Variants in IFT80 observed in about 807,000 individuals in gnomAD.
The protein encoded by IFT80 is intraflagellar transport 80, also known as intraflagellar transport protein 80 homolog.
IFT80 carries 79 observed loss-of-function variants against 107.9 expected under a neutral mutation model. The ratio of observed to expected loss-of-function variants is 0.73; its 90% CI spans 0.61 to 0.88. The LOEUF is 0.88. IFT80 is among the 40% of genes least tolerant of loss of function. The pLI is 0.00. For synonymous variants in IFT80, 299 were observed against 300.9 expected, an observed-to-expected ratio of 0.99 and a Z score of 0.07; for missense variants, 797 against 914.2, an observed-to-expected ratio of 0.87 and a Z score of 1.65.
intron 8 of IFT80, among the ~76,000 whole-genome samples, chr3:160,353,300 C>A (rs992356038): frequency 1.3e-5 from 2 of 152,102 alleles, no homozygotes; most frequent in African/African-American, 4.8e-5. Flanking sequence ...TTATATTAGA[C>A]GCTCAAACAG....
At chr3:160,376,302 T>C (rs1167248946) in intron 4 of IFT80, among the ~76,000 whole-genome samples, 2 of 152,206 alleles carry the variant, frequency 1.3e-5, no homozygotes, top group Admixed American at 1.3e-4. Context: ...GGTAATAGAC[T>C]ACTCTTTTGA....
intron 8 of IFT80, among the ~76,000 whole-genome samples, chr3:160,323,485 T>G (rs1277191610): frequency 1.3e-5 from 2 of 152,180 alleles, no homozygotes; most frequent in Non-Finnish European, 2.9e-5. Context: ...CCTCCAGCTT[T>G]GTTCTTTTGG....
intron 8 of IFT80, among the ~76,000 whole-genome samples, chr3:160,340,097 T>C (rs894220027): frequency 1.3e-5 from 2 of 152,174 alleles, no homozygotes; most frequent in African/African-American, 4.8e-5. Flanking sequence ...GCCAAGTTAC[T>C]TAGAAAAGGA....
At chr3:160,393,403 T>C (rs1474474642) in intron 1 of IFT80, among the ~76,000 whole-genome samples, 1 of 152,214 alleles carries the variant, frequency 6.6e-6, no homozygotes, top group East Asian at 1.9e-4. Flanking sequence ...ATTATGCTAA[T>C]TGAAAAAAGC....
At chr3:160,302,537 T>C (rs920624651) in intron 11 of IFT80, among the ~76,000 whole-genome samples, 1 of 152,096 alleles carries the variant, frequency 6.6e-6, no homozygotes, top group Non-Finnish European at 1.5e-5. Flanking sequence ...CAAACATCTC[T>C]ATATACATAA....
intron 1 of IFT80, among the ~76,000 whole-genome samples, chr3:160,388,682 G>T (rs1713129872): frequency 2.0e-5 from 3 of 151,234 alleles, no homozygotes; most frequent in Non-Finnish European, 4.4e-5. Flanking sequence ...TAGCTAAAAA[G>T]AACTAATGTT....
chr3:160,286,205 A>G (rs1163239752), intron 12 of IFT80, among the ~76,000 whole-genome samples: 1 of 152,166 alleles, frequency 6.6e-6, no homozygotes, highest in Non-Finnish European at 1.5e-5. Flanking sequence ...GTAGAGGCCA[A>G]AGGAAAACTT....
chr3:160,356,857 G>T (rs1721129757), intron 7 of IFT80, among the ~76,000 whole-genome samples: 1 of 151,924 alleles, frequency 6.6e-6, no homozygotes, highest in African/African-American at 2.4e-5. Flanking sequence ...CTCCCTGTAA[G>T]GGCTCTACCT....
intron 6 of IFT80, 98 bp downstream of exon 6, chr3:160,365,944 TA>T: frequency 3.5e-6 from 3 of 863,938 alleles, no homozygotes; most frequent in Non-Finnish European, 6.0e-6. Flanking sequence ...GACCAGACTG[TA>T]AAAAGACCAC....
intron 19 of IFT80, among the ~76,000 whole-genome samples, chr3:160,266,094 T>G (rs1393902505): frequency 6.6e-6 from 1 of 151,728 alleles, no homozygotes; most frequent in Admixed American, 6.6e-5. Context: ...ATGACATTTA[T>G]GAAGAAAAGT....
intron 19 of IFT80, among the ~76,000 whole-genome samples, chr3:160,263,301 GATT>G (rs1293756430): frequency 6.6e-6 from 1 of 152,098 alleles, no homozygotes; most frequent in East Asian, 1.9e-4. Flanking sequence ...TTCCTAATGG[GATT>G]ATTATAGTAA....
intron 6 of IFT80, among the ~76,000 whole-genome samples, chr3:160,360,327 AC>A (rs1179288676): frequency 6.6e-6 from 1 of 152,228 alleles, no homozygotes; most frequent in Non-Finnish European, 1.5e-5. Flanking sequence ...AAAGAGACGA[AC>A]AAAGCCTCCA....
At chr3:160,388,011 G>C (rs1022494912) in intron 1 of IFT80, among the ~76,000 whole-genome samples, 3 of 152,018 alleles carry the variant, frequency 2.0e-5, no homozygotes, top group East Asian at 1.9e-4. Context: ...CTGTGAAAGT[G>C]GGTGGCTGAG....
intron 8 of IFT80, among the ~76,000 whole-genome samples, chr3:160,324,201 C>G (rs570746435): frequency 6.6e-6 from 1 of 152,098 alleles, no homozygotes; most frequent in African/African-American, 2.4e-5. Flanking sequence ...ACCAGAGGTA[C>G]AAGGAGGAAC....
At chr3:160,310,611 A>G (rs930799087) in intron 9 of IFT80, among the ~76,000 whole-genome samples, 2 of 152,214 alleles carry the variant, frequency 1.3e-5, no homozygotes, top group Non-Finnish European at 2.9e-5. Context: ...CTAAACAACT[A>G]TCATTAATGG....
At chr3:160,326,253 C>T (rs534225864) in intron 8 of IFT80, among the ~76,000 whole-genome samples, 5 of 151,834 alleles carry the variant, frequency 3.3e-5, no homozygotes, top group Non-Finnish European at 5.9e-5. Context: ...TTAATAGTTA[C>T]TAAAATTGGA....
At chr3:160,350,575 G>A (rs1016180310) in intron 8 of IFT80, among the ~76,000 whole-genome samples, 2 of 152,062 alleles carry the variant, frequency 1.3e-5, no homozygotes, top group South Asian at 2.1e-4. Flanking sequence ...TCAGCACTTC[G>A]GGAGGCCGAG....
chr3:160,326,772 C>A (rs1483271181), intron 8 of IFT80, among the ~76,000 whole-genome samples: 1 of 152,034 alleles, frequency 6.6e-6, no homozygotes, highest in South Asian at 2.1e-4. Flanking sequence ...GACAAGGATG[C>A]CCTCTCTCAC....
intron 1 of IFT80, among the ~76,000 whole-genome samples, chr3:160,396,478 T>A (rs1458059527): frequency 6.6e-6 from 1 of 152,202 alleles, no homozygotes; most frequent in Non-Finnish European, 1.5e-5. Flanking sequence ...ACACATATTG[T>A]TAAAATGATG....
Sources: allele counts gnomAD v4.1 joint callset (sites outside exome capture counted in the v4.1 genomes callset), GRCh38; gene constraint gnomAD v4.1.1; transcripts MANE v1.5; gene names NCBI Gene and HGNC (gene_info 2026-07-23, HGNC 2026-07-21).